Variants in ZYG11B observed in about 807,000 individuals in gnomAD.
ZYG11B encodes the protein zyg-11 family member B, cell cycle regulator.
ZYG11B carries 36 observed loss-of-function variants against 82.4 expected under a neutral mutation model. That is an observed-to-expected ratio of 0.44 (90% CI 0.33 to 0.58). ZYG11B has a LOEUF of 0.58. Ranked by LOEUF, ZYG11B falls within the 20% of genes least tolerant of loss-of-function variation. The pLI is 0.02. For synonymous variants in ZYG11B, 303 were observed against 312.8 expected (o/e 0.97, Z 0.33); for missense variants, 552 against 895.6 (o/e 0.62, Z 4.90).
chr1:52,776,229 A>AAAAAAAAAAAAATATATATATATAT, intron 3 of ZYG11B, among the ~76,000 whole-genome samples: 7 of 23,538 alleles, frequency 3.0e-4, no homozygotes, highest in African/African-American at 4.7e-4. Flanking sequence ...TAAAAAAAAA[A>AAAAAAAAAAAAATATATATATATAT]ATATATATAT....
At chr1:52,750,461 CAG>C (rs912245320) in intron 1 of ZYG11B, among the ~76,000 whole-genome samples, 12 of 152,056 alleles carry the variant, frequency 7.9e-5, no homozygotes, top group African/African-American at 2.4e-4. Flanking sequence ...TTAGTAGAGA[CAG>C]AGTTTCACTG....
In ZYG11B at chr1:52,816,526, C is replaced by G. The variant is rs754725753; in HGVS notation, c.1947-6C>G. 7.5e-6 allele frequency: 12 copies of G among 1,594,912 alleles called. No homozygotes were observed. The Admixed American group carries it at 1.2e-4, about 16-fold the overall frequency. The stretch of plus-strand genomic sequence containing the variant: ...TAACTTTGATTCTTTTCTTTTGAAC[C>G]TTTAGGTCCTTTAATCCATTTTTCC... On this transcript the variant is annotated splice_polypyrimidine_tract_variant and splice_region_variant and intron_variant, in intron 12 of 13. Coordinates refer to ENST00000294353, the MANE Select transcript of ZYG11B (RefSeq NM_024646.3).
At chr1:52,770,485 A>G (rs1644740208) in intron 2 of ZYG11B, among the ~76,000 whole-genome samples, 2 of 152,186 alleles carry the variant, frequency 1.3e-5, no homozygotes, top group Admixed American at 1.3e-4. Flanking sequence ...CAAGGTTTAT[A>G]CCTCACTTGT....
rs900202119 is a variant in ZYG11B at position 52,760,660 on chromosome 1, G to C, written c.196+4037G>C. On this transcript the variant is annotated intron_variant, in intron 2 of 13. Transcript: ENST00000294353. Reference sequence around the variant, plus strand: ...TTTTGTAGAGACAGGGTCTTGCCATGTTCCCCAGGCTGGTCTCGAACTCCT... The same window carrying C: ...TTTTGTAGAGACAGGGTCTTGCCATCTTCCCCAGGCTGGTCTCGAACTCCT... Among the ~76,000 whole-genome samples, 6 of 151,494 alleles carry C rather than the reference G, an allele frequency of 4.0e-5. No individual in the cohort carries two copies. The East Asian group carries it at 9.7e-4, about 24-fold the overall frequency.
At chr1:52,776,229 A>AAAAAAAAAAAAAAAAAAAAATATATAT in intron 3 of ZYG11B, among the ~76,000 whole-genome samples, 16 of 23,518 alleles carry the variant, frequency 6.8e-4, no homozygotes, top group African/African-American at 1.4e-3. Context: ...TAAAAAAAAA[A>AAAAAAAAAAAAAAAAAAAAATATATAT]ATATATATAT....
At chr1:52,817,197 T>C (rs756947065) in intron 13 of ZYG11B, among the ~76,000 whole-genome samples, 12 of 152,122 alleles carry the variant, frequency 7.9e-5, no homozygotes, top group Non-Finnish European at 1.3e-4. Flanking sequence ...AATTTAAAGA[T>C]TAGGAGACTA....
chr1:52,786,109 T>TA (rs1644909831), intron 5 of ZYG11B, among the ~76,000 whole-genome samples: 1 of 152,132 alleles, frequency 6.6e-6, no homozygotes, highest in South Asian at 2.1e-4. Flanking sequence ...ATTAATAAAA[T>TA]AAAAAACATA....
In ZYG11B at chr1:52,800,726, TGAACCCC is replaced by T. The variant is rs1468032846; in HGVS notation, c.1486-1091_1486-1085del. 1.1e-4 allele frequency among the ~76,000 whole-genome samples: 16 copies of T among 152,142 alleles called. 1 individual carries two copies. Among genetic ancestry groups the T allele is most frequent in the South Asian group, 1.0e-3 (5 of 4,824 alleles). On this transcript the variant is annotated intron_variant, in intron 8 of 13. Transcript: ENST00000294353. ...TGGGAGGCTGAGACAGAGAATCACT[TGAACCCC>T]GGGGGGGTGGAGGTCGCAGTGAGCT...
rs1449422245 is a variant in ZYG11B, at chr1:52,803,103, T to TACAC, written c.1695+965_1695+966insCACA. 1.1e-3 allele frequency among the ~76,000 whole-genome samples: 89 copies of TACAC among 79,694 alleles called. 26 individuals carry two copies. The highest frequency in any genetic ancestry group is 9.3e-3 in the East Asian group (8 of 864). The allele number at this position is 79,694 out of a possible 152,430, so 52.3% of individuals were successfully genotyped here. ...ATATATACACATATATATATACATA[T>TACAC]ATATATATATATATACACACATATA... On this transcript the variant is annotated intron_variant, in intron 10 of 13. Coordinates refer to ENST00000294353, the MANE Select transcript of ZYG11B (RefSeq NM_024646.3).
intron 2 of ZYG11B, among the ~76,000 whole-genome samples, chr1:52,757,730 G>T (rs1240389038): frequency 1.3e-5 from 2 of 151,748 alleles, no homozygotes; most frequent in Non-Finnish European, 2.9e-5. Context: ...GACAGTAGGA[G>T]GATTATTACT....
At chr1:52,757,920 G>A (rs1644593333) in intron 2 of ZYG11B, among the ~76,000 whole-genome samples, 1 of 151,772 alleles carries the variant, frequency 6.6e-6, no homozygotes, top group Admixed American at 6.6e-5. Context: ...GATATATCTT[G>A]GCCGGGCGCA....
At chr1:52,769,927 T>C (rs34517448) in intron 2 of ZYG11B, among the ~76,000 whole-genome samples, 21,657 of 151,800 alleles carry the variant, frequency 0.14, 3,164 homozygotes, top group African/African-American at 0.38. Context: ...ATATGTGATA[T>C]GTTGATGTGC....
At chr1:52,770,556 C>G (rs889664164) in intron 2 of ZYG11B, among the ~76,000 whole-genome samples, 5 of 152,156 alleles carry the variant, frequency 3.3e-5, no homozygotes, top group African/African-American at 9.7e-5. Flanking sequence ...AGGGTCCAAA[C>G]TGATGGAGGG....
intron 1 of ZYG11B, 70 bp from the exon 2 acceptor site, chr1:52,756,386 TTG>T: frequency 1.4e-6 from 2 of 1,450,544 alleles, no homozygotes; most frequent in East Asian, 4.6e-5. Context: ...AATGAATGTT[TTG>T]TTCTCTGCTT....
At chr1:52,773,871 G>A (rs1329508730) in intron 3 of ZYG11B, among the ~76,000 whole-genome samples, 1 of 151,094 alleles carries the variant, frequency 6.6e-6, no homozygotes. Context: ...TCGAACTCCT[G>A]AGCTCAGGCA....
chr1:52,791,224 C>G (rs1227985062), intron 6 of ZYG11B, among the ~76,000 whole-genome samples: 1 of 152,096 alleles, frequency 6.6e-6, no homozygotes, highest in Non-Finnish European at 1.5e-5. Context: ...CCACCCACCT[C>G]AGCCTCCCAA....
intron 1 of ZYG11B, among the ~76,000 whole-genome samples, chr1:52,750,579 A>T (rs763477316): frequency 6.6e-6 from 1 of 152,170 alleles, no homozygotes; most frequent in Non-Finnish European, 1.5e-5. Flanking sequence ...GACTCTGGCA[A>T]CTATTTTTAA....
intron 6 of ZYG11B, among the ~76,000 whole-genome samples, chr1:52,794,364 G>A (rs1362766552): frequency 6.6e-6 from 1 of 152,182 alleles, no homozygotes; most frequent in Admixed American, 6.5e-5. Flanking sequence ...AAGAATGCAA[G>A]TAGTGGGCCT....
chr1:52,803,109 TATATATATACACACATATATATATAC>T lies in ZYG11B; in HGVS notation c.1695+972_1695+997del, dbSNP rs1558140052. 3.1e-4 allele frequency among the ~76,000 whole-genome samples: 28 copies of T among 90,592 alleles called. 1 individual carries two copies. Among genetic ancestry groups the T allele is most frequent in the African/African-American group, 1.8e-3 (24 of 13,386 alleles). 59.4% of individuals were successfully genotyped at this position (90,592 alleles called of 152,430 possible). On this transcript the variant is annotated intron_variant, in intron 10 of 13. Coordinates refer to ENST00000294353, the MANE Select transcript of ZYG11B (RefSeq NM_024646.3). The stretch of plus-strand genomic sequence containing the variant: ...ACACATATATATATACATATATATA[TATATATATACACACATATATATATAC>T]ACACATATATATATATATACACATA...
Sources: gnomAD v4.1 joint callset for allele counts (sites outside exome capture counted in the v4.1 genomes callset) on GRCh38, gnomAD v4.1.1 for gene constraint, MANE v1.5 for transcripts, NCBI Gene and HGNC (gene_info 2026-07-23, HGNC 2026-07-21) for gene names.